The following FHAD1 variants were observed in gnomAD, a reference collection of about 807,000 sequenced individuals.
FHAD1 encodes forkhead-associated domain-containing protein 1.
Under a neutral mutation model 191.3 loss-of-function variants are expected in FHAD1, and 146 were observed. That is an observed-to-expected ratio of 0.76 (90% CI 0.67 to 0.88). The LOEUF is 0.88. Among genes scored for constraint, FHAD1 ranks in the 40% least tolerant of loss-of-function variants. FHAD1 has a pLI of 0.00. For missense variants in FHAD1, 1,635 were observed against 1,785.8 expected, an observed-to-expected ratio of 0.92 and a Z score of 1.52; for synonymous variants, 616 against 672.3, an observed-to-expected ratio of 0.92 and a Z score of 1.29.
rs1290631121 is a variant in FHAD1 at position 15,325,183 on chromosome 1, C to G, written c.1473+624C>G. On this transcript the variant is annotated intron_variant, in intron 11 of 33. Transcript: ENST00000688493. The surrounding 1 kb of genome is among the most constrained non-coding windows in gnomAD (Gnocchi z 4.6). ...TTACCAAAAGCTAAGGGAAAGCAAA[C>G]AGGAAACCAAGATGGGAGGGCATAT... 1 of 153,114 alleles carries G rather than the reference C, an allele frequency of 6.5e-6. No homozygotes were observed. Among genetic ancestry groups the G allele is most frequent in the African/African-American group, 2.4e-5 (1 of 41,410 alleles). The allele number at this position is 153,114 out of a possible 1,614,324, so 9.5% of individuals were successfully genotyped here.
intron 3 of FHAD1, among the ~76,000 whole-genome samples, chr1:15,286,181 G>A (rs1479943512): frequency 6.6e-6 from 1 of 152,168 alleles, no homozygotes; most frequent in Non-Finnish European, 1.5e-5. Flanking sequence ...TTAAGATGGA[G>A]AATTTTGTTA....
chr1:15,352,261 A>G (rs183022407), intron 19 of FHAD1, among the ~76,000 whole-genome samples: 305 of 152,300 alleles, frequency 2.0e-3, no homozygotes, highest in African/African-American at 7.2e-3. Flanking sequence ...ACAGCTGCAG[A>G]TAGAGTTTTT....
chr1:15,348,293 C>T (rs1255186953), intron 18 of FHAD1, among the ~76,000 whole-genome samples: 1 of 152,160 alleles, frequency 6.6e-6, no homozygotes, highest in African/African-American at 2.4e-5. Context: ...AACCATGTTC[C>T]AAGTTCTAAA....
intron 2 of FHAD1, among the ~76,000 whole-genome samples, chr1:15,257,543 T>C (rs937292580): frequency 6.6e-6 from 1 of 152,162 alleles, no homozygotes; most frequent in Admixed American, 6.5e-5. Context: ...GCCTCAGCTG[T>C]GCTCGCACAC....
chr1:15,281,638 G>A (rs1462900054), intron 3 of FHAD1, among the ~76,000 whole-genome samples: 1 of 151,574 alleles, frequency 6.6e-6, no homozygotes, highest in Non-Finnish European at 1.5e-5. Flanking sequence ...GTGCATGCCT[G>A]TAATCCTAGC....
chr1:15,321,694 C>T (rs752538201), intron 10 of FHAD1, among the ~76,000 whole-genome samples: 5 of 152,212 alleles, frequency 3.3e-5, no homozygotes, highest in Non-Finnish European at 7.3e-5. Context: ...TTAGTGTTTT[C>T]CTTCAGCATG....
chr1:15,336,247 T>C (rs763453470), intron 14 of FHAD1, among the ~76,000 whole-genome samples: 1 of 152,232 alleles, frequency 6.6e-6, no homozygotes, highest in Non-Finnish European at 1.5e-5. Flanking sequence ...AGGTTGTTTA[T>C]AATGATTAGA....
chr1:15,388,881 G>C (rs1703046574), intron 32 of FHAD1, among the ~76,000 whole-genome samples: 1 of 152,214 alleles, frequency 6.6e-6, no homozygotes, highest in African/African-American at 2.4e-5. Context: ...CATGGGCTGA[G>C]CCGTGGCTGA....
chr1:15,252,408 A>G (rs57175514), intron 2 of FHAD1, among the ~76,000 whole-genome samples: 18,507 of 152,176 alleles, frequency 0.12, 2,580 homozygotes, highest in African/African-American at 0.33. Context: ...CTTTGGGATC[A>G]TTGGATGCTA....
intron 28 of FHAD1, among the ~76,000 whole-genome samples, chr1:15,379,362 T>C (rs1700371574): frequency 6.6e-6 from 1 of 152,238 alleles, no homozygotes; most frequent in South Asian, 2.1e-4. Flanking sequence ...CTCAATGCTT[T>C]ACAAAGCAGT....
rs1294680813 is a variant in FHAD1, at chr1:15,311,801, G to A, written c.1040-1256G>A. 6.6e-6 allele frequency among the ~76,000 whole-genome samples: 1 copy of A among 152,156 alleles called. No individual in the cohort carries two copies. Among genetic ancestry groups the A allele is most frequent in the Non-Finnish European group, 1.5e-5 (1 of 68,024 alleles). On this transcript the variant is annotated intron_variant, in intron 7 of 33. Coordinates refer to ENST00000688493, the MANE Select transcript of FHAD1 (RefSeq NM_001391957.1). This position sits in a 1 kb window ranked among gnomAD's most constrained non-coding sequence, Gnocchi z 4.1. The stretch of plus-strand genomic sequence containing the variant: ...ATATTGACTATCTGCTGTCACATAA[G>A]TTATCCCAAAAAAGCAACAAATATG...
In FHAD1 at chr1:15,333,754, C is replaced by T. The variant is rs1020140169; in HGVS notation, c.1906+4213C>T. ...TTAGCACTGTGTTCGGTGTTTCACACGCATTGTGTACTTTTATCCTCCCAC... is the reference window on the plus strand; with the variant it reads ...TTAGCACTGTGTTCGGTGTTTCACATGCATTGTGTACTTTTATCCTCCCAC... On this transcript the variant is annotated intron_variant, in intron 14 of 33. Transcript: ENST00000688493. 8.6e-5 allele frequency among the ~76,000 whole-genome samples: 13 copies of T among 151,156 alleles called. No individual in the cohort carries two copies. In the East Asian group the frequency reaches 2.3e-3, roughly 27 times the overall value.
chr1:15,262,725 C>A (rs555078070), intron 2 of FHAD1, among the ~76,000 whole-genome samples: 26 of 152,310 alleles, frequency 1.7e-4, no homozygotes, highest in African/African-American at 6.3e-4. Context: ...TTGCTTTCAC[C>A]ATTTGGCTAC....
At chr1:15,336,648 T>A (rs947675527) in intron 14 of FHAD1, among the ~76,000 whole-genome samples, 2 of 152,194 alleles carry the variant, frequency 1.3e-5, no homozygotes, top group Non-Finnish European at 2.9e-5. Flanking sequence ...ATCCATCGCT[T>A]CTTTCGCTCC....
chr1:15,387,909 C>T (rs1367901404), intron 31 of FHAD1, 142 bp from the exon 32 acceptor site: 1 of 386,070 alleles, frequency 2.6e-6, no homozygotes, highest in South Asian at 1.9e-5. Flanking sequence ...AAGACTCTCC[C>T]GCAGTGATCC....
chr1:15,280,933 A>T (rs1052982881), intron 3 of FHAD1, among the ~76,000 whole-genome samples: 1 of 152,250 alleles, frequency 6.6e-6, no homozygotes, highest in Non-Finnish European at 1.5e-5. Flanking sequence ...CAAAATCCAG[A>T]TAAATGGCCT....
intron 2 of FHAD1, among the ~76,000 whole-genome samples, chr1:15,270,559 C>T (rs1453124489): frequency 6.6e-6 from 1 of 152,230 alleles, no homozygotes; most frequent in African/African-American, 2.4e-5. Context: ...TTTATTGTTA[C>T]TCTAGTATAC....
At chr1:15,286,611 G>A (rs1177650650) in intron 3 of FHAD1, among the ~76,000 whole-genome samples, 2 of 152,200 alleles carry the variant, frequency 1.3e-5, no homozygotes, top group Non-Finnish European at 2.9e-5. Context: ...AGAGATTCTG[G>A]TGTCCAGCCT....
rs545704492 is a variant in FHAD1 at position 15,257,088 on chromosome 1, C to CT, written c.93+5217dup. 5.6e-4 allele frequency among the ~76,000 whole-genome samples: 85 copies of CT among 152,330 alleles called. 3 individuals carry two copies. In the South Asian group the frequency reaches 0.017, roughly 30 times the overall value. On this transcript the variant is annotated intron_variant, in intron 2 of 33. Coordinates refer to ENST00000688493, the MANE Select transcript of FHAD1 (RefSeq NM_001391957.1). ...GAACTATAAGAGCCTGCATCAAAGTCTTTTTTATTATTATTAAACAATGCT... is the reference window on the plus strand; with the variant it reads ...GAACTATAAGAGCCTGCATCAAAGTCTTTTTTTATTATTATTAAACAATGCT...
Sources: allele counts gnomAD v4.1 joint callset (sites outside exome capture counted in the v4.1 genomes callset), GRCh38; gene constraint gnomAD v4.1.1; non-coding constraint Gnocchi (gnomAD v3.1); transcripts MANE v1.5; gene names NCBI Gene and HGNC (gene_info 2026-07-23, HGNC 2026-07-21).